The following SH2B1 variants were observed in gnomAD, a reference collection of about 807,000 sequenced individuals.
The protein encoded by SH2B1 is SH2B adaptor protein 1, also known as SH2B adapter protein 1.
In SH2B1, 15 loss-of-function variants were observed where a neutral mutation model predicts 62.6. That is an observed-to-expected ratio of 0.24 (90% CI 0.16 to 0.37). SH2B1 has a LOEUF of 0.37. Among genes scored for constraint, SH2B1 ranks in the 10% least tolerant of loss-of-function variants. SH2B1 has a pLI of 1.00. For synonymous variants in SH2B1, 443 were observed against 438.0 expected, an observed-to-expected ratio of 1.01 and a Z score of -0.14; for missense variants, 925 against 1,015.6, an observed-to-expected ratio of 0.91 and a Z score of 1.21.
rs1350845931 is a variant in SH2B1 at position 28,874,138 on chromosome 16, G to GGTGGTT, written c.*321_*326dup. On this transcript the variant is annotated 3_prime_UTR_variant, in exon 8 of 8. Coordinates refer to ENST00000684370, the MANE Select transcript of SH2B1 (RefSeq NM_001387430.1). ...GGGGAAGGGCTGTCAGTTACATTAA[G>GGTGGTT]GTGGTTGTTGTTGTTGTTTTAAACA... 5 of 301,866 alleles carry GGTGGTT rather than the reference G, an allele frequency of 1.7e-5. No homozygotes were observed. The South Asian group carries it at 8.0e-4, about 48-fold the overall frequency. The allele number at this position is 301,866 out of a possible 1,614,324, so 18.7% of individuals were successfully genotyped here. A position where few individuals can be genotyped will look rare whatever the true frequency, so the allele number is the denominator to read the frequency against.
In SH2B1 at chr16:28,873,757, AG is replaced by A; in HGVS notation, c.2213del (p.Gly738ValfsTer63). 1.4e-6 allele frequency: 2 copies of A among 1,479,904 alleles called. No individual in the cohort carries two copies. 91.7% of individuals were successfully genotyped at this position (1,479,904 alleles called of 1,614,324 possible). ...PMVQLQQSPL[G>X]GDGEEGGHPR... is the part of the protein sequence containing the mutation. Reference sequence around the variant, plus strand: ...TGGTGCAGCTGCAGCAGTCACCACTAGGGGGTGATGGAGAGGAAGGGGGCCA... The same window carrying A: ...TGGTGCAGCTGCAGCAGTCACCACTAGGGGTGATGGAGAGGAAGGGGGCCA... On this transcript the variant is annotated frameshift_variant, in exon 8 of 8. Transcript: ENST00000684370. LOFTEE classifies it high-confidence loss of function. This position sits in a 1 kb window ranked among gnomAD's most constrained non-coding sequence, Gnocchi z 4.2.
chr16:28,869,129 A>G lies in SH2B1; in HGVS notation c.1133+32A>G, dbSNP rs748660114. ...AGCCTGACTTCTGTCGCTAAGGGAC[A>G]TAGAGTGGGGTTGGGGAGCAGCCTT... On this transcript the variant is annotated intron_variant, in intron 3 of 7. Transcript: ENST00000684370. 4 of 1,613,390 alleles carry G rather than the reference A, an allele frequency of 2.5e-6. No homozygotes were observed. The East Asian group carries it at 6.7e-5, about 27-fold the overall frequency.
intron 1 of SH2B1, 109 bp downstream of exon 1, chr16:28,867,142 G>A (rs1962760726): frequency 8.7e-6 from 13 of 1,491,018 alleles, no homozygotes; most frequent in South Asian, 1.2e-5. Flanking sequence ...CCCTGGTGTC[G>A]CTCACTTTTT....
Position 28,873,574 on chromosome 16 carries a change from A to C in SH2B1, c.2025A>C (p.Lys675Asn), listed in dbSNP as rs1963169746. The change falls in exon 8 of 8, where the codon AAA (lysine) becomes AAC (asparagine). Residue 675 changes from lysine (K) to asparagine (N), a missense_variant. Physicochemically the swap from Lys to Asn is moderately conservative, Grantham distance 94. This residue lies in a region of SH2B1 where 185 missense variants were observed against 189.5 expected (regional missense o/e 0.98). Transcript: ENST00000684370. This position sits in a 1 kb window ranked among gnomAD's most constrained non-coding sequence, Gnocchi z 4.2. Reference sequence around the variant, plus strand: ...CGGCAGCAGCAGCCGCAGCAGCCAAAGAGAGGCAAGAGAAAGAGAAAGCGG... The same window carrying C: ...CGGCAGCAGCAGCCGCAGCAGCCAACGAGAGGCAAGAGAAAGAGAAAGCGG... ...EVAAAAAAAA[K>N]ERQEKEKAGG... is the part of the protein sequence containing the mutation. The C allele has an allele frequency of 6.3e-7, 1 of 1,586,594 alleles. No homozygotes were observed. Among genetic ancestry groups the C allele is most frequent in the African/African-American group, 1.3e-5 (1 of 74,124 alleles).
intron 1 of SH2B1, among the ~76,000 whole-genome samples, chr16:28,854,138 G>A (rs1188112444): frequency 6.7e-6 from 1 of 150,092 alleles, no homozygotes; most frequent in Non-Finnish European, 1.5e-5. Context: ...CAAAAAATTT[G>A]AAAAATTAGC....
rs1962581057 is a variant in SH2B1 at position 28,864,540 on chromosome 16, T to G, written c.-1555T>G. 3 of 985,434 alleles carry G rather than the reference T, an allele frequency of 3.0e-6. No individual in the cohort carries two copies. Among genetic ancestry groups the G allele is most frequent in the Admixed American group, 6.2e-5 (1 of 16,234 alleles). 61.0% of individuals were successfully genotyped at this position (985,434 alleles called of 1,614,324 possible). A position where few individuals can be genotyped will look rare whatever the true frequency, so the allele number is the denominator to read the frequency against. On this transcript the variant is annotated 5_prime_UTR_variant, in exon 1 of 8. Transcript: ENST00000684370. ...GTTGGAGCCATCTGAGCTTGTAGGGTCGAGGCCCAGGAGGAAGGGGAGGGT... is the reference window on the plus strand; with the variant it reads ...GTTGGAGCCATCTGAGCTTGTAGGGGCGAGGCCCAGGAGGAAGGGGAGGGT...
At chr16:28,867,260 A>C in intron 1 of SH2B1, 71 bp from the exon 2 acceptor site, 1 of 1,323,722 alleles carries the variant, frequency 7.6e-7, no homozygotes, top group Non-Finnish European at 1.1e-6. Flanking sequence ...GGAAAGATGA[A>C]TGTCTGGAGG....
upstream of SH2B1, among the ~76,000 whole-genome samples, chr16:28,859,508 G>A (rs1002530749): frequency 6.6e-6 from 1 of 152,048 alleles, no homozygotes; most frequent in African/African-American, 2.4e-5. Context: ...AATGAGGCTT[G>A]GCTATTTTGC....
chr16:28,868,238 C>T (rs1208083121), intron 2 of SH2B1, among the ~76,000 whole-genome samples: 1 of 152,112 alleles, frequency 6.6e-6, no homozygotes, highest in Non-Finnish European at 1.5e-5. Flanking sequence ...CTCCCGGGTT[C>T]ATGCCATTTT....
In SH2B1 at chr16:28,871,765, C is replaced by T; in HGVS notation, c.1310-15C>T. 2 of 1,609,490 alleles carry T rather than the reference C, an allele frequency of 1.2e-6. No individual in the cohort carries two copies. The highest frequency in any genetic ancestry group is 1.1e-5 in the South Asian group (1 of 90,984). ...GAATTTCTTGGGTTCTCAGCTTTGCCCTTTTTTTTTCCAGGGGCATATGGG... is the reference window on the plus strand; with the variant it reads ...GAATTTCTTGGGTTCTCAGCTTTGCTCTTTTTTTTTCCAGGGGCATATGGG... On this transcript the variant is annotated splice_polypyrimidine_tract_variant and intron_variant, in intron 4 of 7. Coordinates refer to ENST00000684370, the MANE Select transcript of SH2B1 (RefSeq NM_001387430.1).
rs928025512 is a variant in SH2B1, at chr16:28,864,396, G to C, written c.-1699G>C. 4.1e-6 allele frequency: 4 copies of C among 987,398 alleles called. No homozygotes were observed. The highest frequency in any genetic ancestry group is 4.8e-6 in the Non-Finnish European group (4 of 831,036). The allele number at this position is 987,398 out of a possible 1,614,324, so 61.2% of individuals were successfully genotyped here. On this transcript the variant is annotated 5_prime_UTR_variant, in exon 1 of 8. Coordinates refer to ENST00000684370, the MANE Select transcript of SH2B1 (RefSeq NM_001387430.1). ...GCGGTGCGGAGGATTGGGTGGGCCTGTGTGAGCCGAGGTGGCCGCTGGCTG... is the reference window on the plus strand; with the variant it reads ...GCGGTGCGGAGGATTGGGTGGGCCTCTGTGAGCCGAGGTGGCCGCTGGCTG...
At chr16:28,857,903 C>T (rs1377831084) in intron 1 of SH2B1, among the ~76,000 whole-genome samples, 2 of 152,058 alleles carry the variant, frequency 1.3e-5, no homozygotes, top group South Asian at 2.1e-4. Context: ...CCACACCTGG[C>T]GAATTTTTGG....
rs1963095176 is a variant in SH2B1 at position 28,872,446 on chromosome 16, A to T, written c.1725+45A>T. 1 of 1,572,658 alleles carries T rather than the reference A, an allele frequency of 6.4e-7. No homozygotes were observed. Among genetic ancestry groups the T allele is most frequent in the African/African-American group, 1.3e-5 (1 of 74,370 alleles). On this transcript the variant is annotated intron_variant, in intron 6 of 7. Transcript: ENST00000684370. This position sits in a 1 kb window ranked among gnomAD's most constrained non-coding sequence, Gnocchi z 5.3. ...AGGCTCTGTTCTGTGCATAGTTGGCAGTGGGGTGGGGGAGCACTGCCGGGG... is the reference window on the plus strand; with the variant it reads ...AGGCTCTGTTCTGTGCATAGTTGGCTGTGGGGTGGGGGAGCACTGCCGGGG...
chr16:28,873,066 T>C lies in SH2B1; in HGVS notation c.1897+361T>C. 1.2e-6 allele frequency: 1 copy of C among 812,986 alleles called. No homozygotes were observed. The highest frequency in any genetic ancestry group is 1.9e-6 in the Non-Finnish European group (1 of 525,410). 50.4% of individuals were successfully genotyped at this position (812,986 alleles called of 1,614,324 possible). On this transcript the variant is annotated intron_variant, in intron 7 of 7. Transcript: ENST00000684370. The surrounding 1 kb of genome is among the most constrained non-coding windows in gnomAD (Gnocchi z 4.2). ...GCCTGCCCTTCCCGGGGACACTCGG[T>C]CTGATCCCCTTCCCTCCTCCCTCAA...
At chr16:28,871,113 G>A (rs932714713) in intron 4 of SH2B1, among the ~76,000 whole-genome samples, 16 of 152,128 alleles carry the variant, frequency 1.1e-4, no homozygotes, top group African/African-American at 3.6e-4. Flanking sequence ...TGCCTCCCGG[G>A]TTCAAGCAAT....
chr16:28,858,258 A>G (rs1962366193), intron 1 of SH2B1, among the ~76,000 whole-genome samples: 1 of 151,992 alleles, frequency 6.6e-6, no homozygotes, highest in Non-Finnish European at 1.5e-5. Context: ...CACGCCTGTA[A>G]TCCCAGCATT....
At position 28,864,569 on chromosome 16, in the gene SH2B1, C is replaced by T; in HGVS notation, c.-1526C>T. 1.0e-6 allele frequency: 1 copy of T among 985,582 alleles called. No homozygotes were observed. The highest frequency in any genetic ancestry group is 6.2e-5 in the Admixed American group (1 of 16,260). The allele number at this position is 985,582 out of a possible 1,614,324, so 61.1% of individuals were successfully genotyped here. ...GGCCCAGGAGGAAGGGGAGGGTTCACCGACTTACAGCCTGGCTGTAGGTTT... is the reference window on the plus strand; with the variant it reads ...GGCCCAGGAGGAAGGGGAGGGTTCATCGACTTACAGCCTGGCTGTAGGTTT... On this transcript the variant is annotated 5_prime_UTR_variant, in exon 1 of 8. Transcript: ENST00000684370.
chr16:28,860,970 C>T (rs1962430433), upstream of SH2B1, among the ~76,000 whole-genome samples: 1 of 151,886 alleles, frequency 6.6e-6, no homozygotes, highest in Admixed American at 6.6e-5. Context: ...GCACGCGCCA[C>T]CACACGTGGC....
chr16:28,867,932 G>A (rs1036942613), intron 2 of SH2B1, among the ~76,000 whole-genome samples: 6 of 151,440 alleles, frequency 4.0e-5, no homozygotes, highest in African/African-American at 9.7e-5. Flanking sequence ...AGGTTCAAGC[G>A]ATTCTTGTGC....
Sources: allele counts gnomAD v4.1 joint callset (sites outside exome capture counted in the v4.1 genomes callset), GRCh38; gene constraint gnomAD v4.1.1; regional missense constraint gnomAD v4.1.1; non-coding constraint Gnocchi (gnomAD v3.1); transcripts MANE v1.5; gene names NCBI Gene and HGNC (gene_info 2026-07-23, HGNC 2026-07-21).